SMARCA4: variants seen among roughly 807,000 people sequenced by gnomAD.
SMARCA4 encodes SWI/SNF related BAF chromatin remodeling complex subunit ATPase 4.
SMARCA4 carries 31 observed loss-of-function variants against 193.9 expected under a neutral mutation model. That is an observed-to-expected ratio of 0.16 (90% CI 0.12 to 0.22). The LOEUF (loss-of-function observed/expected upper bound fraction) is 0.22. SMARCA4 is among the 10% of genes least tolerant of loss of function. SMARCA4 has a pLI of 1.00. For synonymous variants in SMARCA4, 942 were observed against 933.1 expected, an observed-to-expected ratio of 1.01 and a Z score of -0.17; for missense variants, 1,148 against 2,296.0, an observed-to-expected ratio of 0.50 and a Z score of 10.22.
chr19:10,978,841 C>T (rs932694416), intron 1 of SMARCA4, among the ~76,000 whole-genome samples: 5 of 151,786 alleles, frequency 3.3e-5, no homozygotes, highest in African/African-American at 4.8e-5. Flanking sequence ...CCCAGCTACT[C>T]GGGAAGCTGA....
At chr19:11,026,024 G>A (rs1461413396) in intron 22 of SMARCA4, among the ~76,000 whole-genome samples, 1 of 152,206 alleles carries the variant, frequency 6.6e-6, no homozygotes, top group South Asian at 2.1e-4. Flanking sequence ...CACCCTGAGC[G>A]TGGCTGTGGC....
intron 14 of SMARCA4, among the ~76,000 whole-genome samples, chr19:11,009,092 G>C (rs2088555562): frequency 8.4e-6 from 1 of 119,108 alleles, no homozygotes; most frequent in Non-Finnish European, 1.6e-5. Context: ...TGCGATCTTG[G>C]CTCACTGCAA....
chr19:11,044,792 C>T (rs1239596297), intron 30 of SMARCA4, among the ~76,000 whole-genome samples: 1 of 152,212 alleles, frequency 6.6e-6, no homozygotes, highest in East Asian at 1.9e-4. Flanking sequence ...ACCCAGCAGC[C>T]TGCAGCCCTC....
chr19:11,013,912 T>TC (rs1337941684), intron 16 of SMARCA4, among the ~76,000 whole-genome samples: 1 of 151,688 alleles, frequency 6.6e-6, no homozygotes, highest in Non-Finnish European at 1.5e-5. Context: ...GCAAACAGAG[T>TC]CCGCCCCCCT....
rs111496379 is a variant in SMARCA4 at position 10,967,685 on chromosome 19, G to GTT, written c.-32+6527_-32+6528dup. 3.0e-3 allele frequency among the ~76,000 whole-genome samples: 375 copies of GTT among 126,706 alleles called. 4 individuals are homozygous for GTT. Among genetic ancestry groups the GTT allele is most frequent in the South Asian group, 4.8e-3 (19 of 3,936 alleles). 83.1% of individuals were successfully genotyped at this position (126,706 alleles called of 152,430 possible). ...AACCCTGGCCCCTTTCAAATGTGTG[G>GTT]TTTTTTTTTTTTTTTTTGGAGACAG... On this transcript the variant is annotated intron_variant, in intron 1 of 34. Coordinates refer to ENST00000344626, the MANE Select transcript of SMARCA4 (RefSeq NM_003072.5).
intron 1 of SMARCA4, chr19:10,983,560 G>A (rs1411760953): frequency 6.4e-6 from 1 of 157,328 alleles, no homozygotes; most frequent in African/African-American, 2.4e-5. Context: ...TCAGCCTCCG[G>A]AGTAGCTGGG....
At position 10,986,660 on chromosome 19, in the gene SMARCA4, G is replaced by A; in HGVS notation, c.760+67G>A. 1 of 1,532,858 alleles carries A rather than the reference G, an allele frequency of 6.5e-7. No individual in the cohort carries two copies. The highest frequency in any genetic ancestry group is 8.7e-7 in the Non-Finnish European group (1 of 1,145,816). The allele number at this position is 1,532,858 out of a possible 1,614,324, so 95.0% of individuals were successfully genotyped here. A position where few individuals can be genotyped will look rare whatever the true frequency, so the allele number is the denominator to read the frequency against. On this transcript the variant is annotated intron_variant, in intron 4 of 34. Coordinates refer to ENST00000344626, the MANE Select transcript of SMARCA4 (RefSeq NM_003072.5). The surrounding 1 kb of genome is among the most constrained non-coding windows in gnomAD (Gnocchi z 6.7). ...TGGCTGGGGCGTGGGTGGCGGGGTG[G>A]ACAGACCGTGCTCTGTTGCCGACTG... is the stretch of plus-strand genomic sequence containing the variant.
chr19:11,017,761 C>T (rs1363474124), intron 16 of SMARCA4, among the ~76,000 whole-genome samples: 1 of 152,266 alleles, frequency 6.6e-6, no homozygotes, highest in East Asian at 1.9e-4. Context: ...TCAGGCCCTA[C>T]GGGCCAGGTC....
intron 8 of SMARCA4, among the ~76,000 whole-genome samples, chr19:10,994,474 C>T (rs2086844263): frequency 6.6e-6 from 1 of 151,756 alleles, no homozygotes; most frequent in Non-Finnish European, 1.5e-5. Flanking sequence ...CAGGCGGCCC[C>T]TCACCACGCC....
In SMARCA4 at chr19:11,019,139, A is replaced by G. The variant is rs1341582011; in HGVS notation, c.2505+116A>G. 4.3e-5 allele frequency: 36 copies of G among 831,674 alleles called. No individual in the cohort carries two copies. The highest frequency in any genetic ancestry group is 6.6e-5 in the Non-Finnish European group (32 of 481,994). The allele number at this position is 831,674 out of a possible 1,614,324, so 51.5% of individuals were successfully genotyped here. A position where few individuals can be genotyped will look rare whatever the true frequency, so the allele number is the denominator to read the frequency against. On this transcript the variant is annotated intron_variant, in intron 17 of 34. Coordinates refer to ENST00000344626, the MANE Select transcript of SMARCA4 (RefSeq NM_003072.5). The surrounding 1 kb of genome is among the most constrained non-coding windows in gnomAD (Gnocchi z 6.1). ...CTGAGAATGCTGGGTCTCCAGTCGCATGGAGTCTCCAGGACAGCCTGGAAC... is the reference window on the plus strand; with the variant it reads ...CTGAGAATGCTGGGTCTCCAGTCGCGTGGAGTCTCCAGGACAGCCTGGAAC...
chr19:10,983,977 A>G, intron 1 of SMARCA4, 144 bp from the exon 2 acceptor site: 1 of 682,854 alleles, frequency 1.5e-6, no homozygotes, highest in African/African-American at 1.8e-5. Flanking sequence ...GTGATCATGG[A>G]GAAACGGTTT....
chr19:11,045,363 G>T (rs1483156768), intron 30 of SMARCA4, among the ~76,000 whole-genome samples: 1 of 152,126 alleles, frequency 6.6e-6, no homozygotes, highest in Non-Finnish European at 1.5e-5. Context: ...TTCTGTGAGG[G>T]TCAGAAGCTG....
In SMARCA4 at chr19:11,023,556, G is replaced by A; in HGVS notation, c.2898G>A (p.Arg966=). The change falls in exon 20 of 35, where the codon CGG becomes CGA. Residue 966 remains arginine, a synonymous_variant. Coordinates refer to ENST00000344626, the MANE Select transcript of SMARCA4 (RefSeq NM_003072.5). ...LNEEETILII[R]RLHKVLRPFL... The stretch of plus-strand genomic sequence containing the variant: ...AGGAGGAAACCATTCTCATCATCCG[G>A]CGTCTCCACAAAGTGCTGCGGCCCT... 6.2e-7 allele frequency: 1 copy of A among 1,613,592 alleles called. No homozygotes were observed. Among genetic ancestry groups the A allele is most frequent in the East Asian group, 2.2e-5 (1 of 44,870 alleles).
chr19:11,033,700 T>C lies in SMARCA4; in HGVS notation c.3775-67T>C, dbSNP rs576000528. 63 of 780,150 alleles carry C rather than the reference T, an allele frequency of 8.1e-5. No individual in the cohort carries two copies. Among genetic ancestry groups the C allele is most frequent in the African/African-American group, 5.6e-4 (33 of 59,204 alleles). 48.3% of individuals were successfully genotyped at this position (780,150 alleles called of 1,614,324 possible). A position where few individuals can be genotyped will look rare whatever the true frequency, so the allele number is the denominator to read the frequency against. ...CTTTTTCTTTGAAGTGGTTTTTTTT[T>C]CTAAACTGCTGGTGAAAGACGCCGG... On this transcript the variant is annotated intron_variant, in intron 26 of 34. Transcript: ENST00000344626. This position sits in a 1 kb window ranked among gnomAD's most constrained non-coding sequence, Gnocchi z 9.8.
At chr19:11,037,967 CACT>C (rs1211509004) in intron 29 of SMARCA4, among the ~76,000 whole-genome samples, 1 of 152,216 alleles carries the variant, frequency 6.6e-6, no homozygotes, top group Admixed American at 6.5e-5. Context: ...ACTGTCTCCC[CACT>C]ACTGTTGGCT....
intron 34 of SMARCA4, chr19:11,060,581 T>C (rs2076807656): frequency 3.1e-6 from 1 of 318,358 alleles, no homozygotes; most frequent in Admixed American, 4.1e-5. Flanking sequence ...CTCAGTGGCA[T>C]AGAGAATGGG....
chr19:11,057,567 A>G (rs1344551975), intron 30 of SMARCA4, among the ~76,000 whole-genome samples: 1 of 152,028 alleles, frequency 6.6e-6, no homozygotes, highest in East Asian at 1.9e-4. Flanking sequence ...TGTCTCTACT[A>G]AAAATACAAA....
At chr19:11,046,948 CAA>C (rs35450843) in intron 30 of SMARCA4, among the ~76,000 whole-genome samples, 193 of 91,808 alleles carry the variant, frequency 2.1e-3, no homozygotes, top group African/African-American at 3.0e-3. Context: ...GACCCTGTTG[CAA>C]AAAAAAAAAA....
At chr19:11,044,610 A>C (rs561020896) in intron 30 of SMARCA4, among the ~76,000 whole-genome samples, 1 of 152,244 alleles carries the variant, frequency 6.6e-6, no homozygotes, top group Non-Finnish European at 1.5e-5. Flanking sequence ...CACCCGCCCC[A>C]GAACGGCCGA....
Sources: allele counts gnomAD v4.1 joint callset (sites outside exome capture counted in the v4.1 genomes callset), GRCh38; gene constraint gnomAD v4.1.1; non-coding constraint Gnocchi (gnomAD v3.1); transcripts MANE v1.5; gene names NCBI Gene and HGNC (gene_info 2026-07-23, HGNC 2026-07-21).